PRKACB: variants seen among roughly 807,000 people sequenced by gnomAD.
PRKACB encodes cAMP-dependent protein kinase catalytic subunit beta.
PRKACB carries 16 observed loss-of-function variants against 51.4 expected under a neutral mutation model. That is an observed-to-expected ratio of 0.31 (90% confidence interval 0.21 to 0.47). The LOEUF (loss-of-function observed/expected upper bound fraction) is 0.47. PRKACB is among the 20% of genes least tolerant of loss of function. The pLI, the probability that PRKACB is intolerant of heterozygous loss-of-function variation, is 1.00. For missense variants in PRKACB, 309 were observed against 464.5 expected, an observed-to-expected ratio of 0.67 and a Z score of 3.08; for synonymous variants, 147 against 154.4, an observed-to-expected ratio of 0.95 and a Z score of 0.35.
chr1:84,139,039 A>C (rs1302525362), intron 1 of PRKACB, among the ~76,000 whole-genome samples: 1 of 152,170 alleles, frequency 6.6e-6, no homozygotes, highest in Non-Finnish European at 1.5e-5. Context: ...TTGTTATCTC[A>C]ATAAGGGGCA....
intron 1 of PRKACB, among the ~76,000 whole-genome samples, chr1:84,112,314 C>G (rs1028828589): frequency 3.5e-5 from 5 of 142,936 alleles, no homozygotes; most frequent in African/African-American, 1.5e-4. Context: ...CTCACTGCAA[C>G]CTCCACTTCC....
intron 9 of PRKACB, among the ~76,000 whole-genome samples, chr1:84,221,641 C>T (rs940471874): frequency 2.0e-5 from 3 of 151,848 alleles, no homozygotes; most frequent in Admixed American, 6.6e-5. Context: ...TTTTTCTTTG[C>T]TTTAAGATTG....
chr1:84,185,088 A>G lies in PRKACB; in HGVS notation c.478-12A>G, dbSNP rs985570954. 2.8e-6 allele frequency: 4 copies of G among 1,423,430 alleles called. No homozygotes were observed. The African/African-American group carries it at 4.5e-5, about 16-fold the overall frequency. 88.2% of individuals were successfully genotyped at this position (1,423,430 alleles called of 1,614,324 possible). ...AGTTGAATAATTGTATTTCCTTTTT[A>G]TTTGTTCATAGGATAATTCTAATTT... On this transcript the variant is annotated splice_polypyrimidine_tract_variant and intron_variant, in intron 4 of 9. Transcript: ENST00000370685.
intron 1 of PRKACB, among the ~76,000 whole-genome samples, chr1:84,120,128 A>G (rs1283476934): frequency 6.6e-6 from 1 of 152,088 alleles, no homozygotes; most frequent in Non-Finnish European, 1.5e-5. Context: ...GGTTCAAGGG[A>G]TTAATTGTTA....
chr1:84,078,098 TCGCCGC>T (rs555766497), upstream of PRKACB: 44 of 419,540 alleles, frequency 1.0e-4, no homozygotes, highest in East Asian at 7.8e-4. Flanking sequence ...GCCACCGCCG[TCGCCGC>T]CGCCGCCGCC....
Position 84,153,798 on chromosome 1 carries a change from G to A in PRKACB, c.187+9250G>A, listed in dbSNP as rs535891741. ...TCCAGTGTGTAGAATACCATACGTC[G>A]ATGCCATATCTTGTGAATAATGCTG... On this transcript the variant is annotated intron_variant, in intron 1 of 9. Transcript: ENST00000370685. Among the ~76,000 whole-genome samples the A allele has an allele frequency of 2.3e-4, 35 of 152,108 alleles. 1 individual carries two copies. In the South Asian group the frequency reaches 5.4e-3, roughly 23 times the overall value.
chr1:84,138,121 A>G (rs1653010171), intron 1 of PRKACB, among the ~76,000 whole-genome samples: 1 of 152,048 alleles, frequency 6.6e-6, no homozygotes, highest in African/African-American at 2.4e-5. Flanking sequence ...CTCCTTGGAG[A>G]AATGGATGAT....
chr1:84,173,404 A>G lies in PRKACB; in HGVS notation c.188-5773A>G, dbSNP rs1660185466. 2.1e-6 allele frequency: 3 copies of G among 1,419,772 alleles called. No individual in the cohort carries two copies. The African/African-American group carries it at 4.3e-5, about 20-fold the overall frequency. The allele number at this position is 1,419,772 out of a possible 1,614,324, so 87.9% of individuals were successfully genotyped here. A position where few individuals can be genotyped will look rare whatever the true frequency, so the allele number is the denominator to read the frequency against. On this transcript the variant is annotated intron_variant, in intron 1 of 9. Coordinates refer to ENST00000370685, the MANE Select transcript of PRKACB (RefSeq NM_182948.4). ...TAATTCTGTTACTTTGATTATCGTA[A>G]GCTAAATTTTTATGAGATATTTTGT... is the stretch of plus-strand genomic sequence containing the variant.
At chr1:84,208,676 C>A (rs936948500) in intron 8 of PRKACB, among the ~76,000 whole-genome samples, 1 of 152,054 alleles carries the variant, frequency 6.6e-6, no homozygotes, top group African/African-American at 2.4e-5. Context: ...AGTTTCAGAT[C>A]ATTAAAATAG....
chr1:84,229,126 C>T lies in PRKACB; in HGVS notation c.1072-6054C>T, dbSNP rs190020897. 3.8e-3 allele frequency among the ~76,000 whole-genome samples: 547 copies of T among 143,492 alleles called. 1 individual carries two copies. The highest frequency in any genetic ancestry group is 7.0e-3 in the Middle Eastern group (2 of 284). 94.1% of individuals were successfully genotyped at this position (143,492 alleles called of 152,430 possible). ...TCCCCAGAGTATGATGTTCCCCTTC[C>T]TGTGTCCATGTGTTCTCATTGTTCA... On this transcript the variant is annotated intron_variant, in intron 9 of 9. Coordinates refer to ENST00000370685, the MANE Select transcript of PRKACB (RefSeq NM_182948.4).
intron 9 of PRKACB, among the ~76,000 whole-genome samples, chr1:84,224,846 T>C (rs1001124666): frequency 4.6e-5 from 7 of 152,200 alleles, no homozygotes; most frequent in Admixed American, 4.6e-4. Context: ...TCAATCACTG[T>C]GGGAGGTGCC....
chr1:84,091,401 T>C (rs964508620), intron 1 of PRKACB, among the ~76,000 whole-genome samples: 2 of 152,198 alleles, frequency 1.3e-5, no homozygotes, highest in African/African-American at 4.8e-5. Flanking sequence ...CACAACCTGG[T>C]TTAATATATA....
chr1:84,207,778 T>G (rs1671557764), intron 8 of PRKACB, among the ~76,000 whole-genome samples: 1 of 152,210 alleles, frequency 6.6e-6, no homozygotes, highest in South Asian at 2.1e-4. Context: ...TTCCCTCCTT[T>G]CGAATATCAA....
intron 1 of PRKACB, among the ~76,000 whole-genome samples, chr1:84,147,468 G>A (rs1394847249): frequency 2.0e-5 from 3 of 151,802 alleles, no homozygotes; most frequent in African/African-American, 7.3e-5. Context: ...TATTCCATAA[G>A]CTTCTTGATA....
intron 1 of PRKACB, among the ~76,000 whole-genome samples, chr1:84,166,798 A>G (rs1571957117): frequency 6.6e-6 from 1 of 151,658 alleles, no homozygotes; most frequent in Admixed American, 6.6e-5. Context: ...TCCTTTGCCA[A>G]TTAAATGTTG....
chr1:84,214,658 G>T (rs1437246496), intron 9 of PRKACB, among the ~76,000 whole-genome samples: 2 of 151,732 alleles, frequency 1.3e-5, no homozygotes, highest in Non-Finnish European at 2.9e-5. Flanking sequence ...ACATCTGGAT[G>T]ATTTTTTTGT....
rs1385417062 is a variant in PRKACB, at chr1:84,236,575, G to T, written c.*1270G>T. On this transcript the variant is annotated 3_prime_UTR_variant, in exon 10 of 10. Coordinates refer to ENST00000370685, the MANE Select transcript of PRKACB (RefSeq NM_182948.4). ...AGATATTTCATAATTTCTAACCTCT[G>T]TTCTCTCAGTAAACAGAATGTCTGA... is the stretch of plus-strand genomic sequence containing the variant. The T allele has an allele frequency of 6.6e-6, 1 of 152,572 alleles. No individual in the cohort carries two copies. Among genetic ancestry groups the T allele is most frequent in the Non-Finnish European group, 1.5e-5 (1 of 68,004 alleles). 9.5% of individuals were successfully genotyped at this position (152,572 alleles called of 1,614,324 possible).
chr1:84,144,100 A>G (rs892714646), upstream of PRKACB, among the ~76,000 whole-genome samples: 4 of 152,222 alleles, frequency 2.6e-5, no homozygotes, highest in African/African-American at 9.6e-5. Context: ...ATATATTAAT[A>G]TTAAAACACC....
chr1:84,142,818 G>A (rs1653554658), upstream of PRKACB, among the ~76,000 whole-genome samples: 1 of 152,154 alleles, frequency 6.6e-6, no homozygotes, highest in Non-Finnish European at 1.5e-5. Flanking sequence ...TCACTAATCA[G>A]TGTTTTCTTA....
Sources: allele counts gnomAD v4.1 joint callset (sites outside exome capture counted in the v4.1 genomes callset), GRCh38; gene constraint gnomAD v4.1.1; transcripts MANE v1.5; gene names NCBI Gene and HGNC (gene_info 2026-07-23, HGNC 2026-07-21).